Variants in SLC8A1 observed in about 807,000 individuals in gnomAD.
SLC8A1 encodes the protein solute carrier family 8 member A1.
A neutral mutation model predicts 68.3 loss-of-function variants in SLC8A1; 18 were observed. The ratio of observed to expected loss-of-function variants is 0.26; its 90% CI spans 0.18 to 0.39. SLC8A1 has a LOEUF of 0.39. SLC8A1 is among the 10% of genes least tolerant of loss of function. SLC8A1 has a pLI of 1.00. For missense variants in SLC8A1, 985 were observed against 1,156.7 expected (o/e 0.85, Z 2.15); for synonymous variants, 475 against 415.5 (o/e 1.14, Z -1.74).
intron 2 of SLC8A1, among the ~76,000 whole-genome samples, chr2:40,337,609 G>C (rs755047299): frequency 6.6e-6 from 1 of 152,080 alleles, no homozygotes; most frequent in Non-Finnish European, 1.5e-5. Context: ...TTTCTGTTTT[G>C]CTTTTCTCTG....
intron 2 of SLC8A1, among the ~76,000 whole-genome samples, chr2:40,360,859 G>C (rs1365950143): frequency 6.6e-6 from 1 of 152,134 alleles, no homozygotes; most frequent in Non-Finnish European, 1.5e-5. Flanking sequence ...GCCACACAGT[G>C]TTGTGGTTTA....
intron 2 of SLC8A1, among the ~76,000 whole-genome samples, chr2:40,286,384 C>A (rs2068316560): frequency 6.6e-6 from 1 of 152,222 alleles, no homozygotes; most frequent in Non-Finnish European, 1.5e-5. Flanking sequence ...GTTGCCATTG[C>A]CTTAAGACCA....
At chr2:40,245,354 A>G (rs912974603) in intron 2 of SLC8A1, among the ~76,000 whole-genome samples, 2 of 138,664 alleles carry the variant, frequency 1.4e-5, no homozygotes, top group African/African-American at 2.8e-5. Flanking sequence ...TGTCCGTTAA[A>G]TACATTCAAG....
chr2:40,212,725 C>CT (rs2056829956), intron 2 of SLC8A1, among the ~76,000 whole-genome samples: 1 of 152,214 alleles, frequency 6.6e-6, no homozygotes, highest in African/African-American at 2.4e-5. Context: ...CTTTTCTTTT[C>CT]TTTCTTCTTG....
At chr2:40,236,848 C>T (rs2060455096) in intron 2 of SLC8A1, among the ~76,000 whole-genome samples, 1 of 150,636 alleles carries the variant, frequency 6.6e-6, no homozygotes, top group Non-Finnish European at 1.5e-5. Flanking sequence ...TTTATTTCTC[C>T]TTCGCTTATG....
rs145445045 is a variant in SLC8A1 at position 40,508,101 on chromosome 2, C to T, written c.-25+4248G>A. On this transcript the variant is annotated intron_variant, in intron 1 of 7. Coordinates refer to the SLC8A1 transcript ENST00000402441. ...TTTCATATATAATTGCACTTTGTCT[C>T]TCAGAAGGCAAGCTGCTGGGCAGAT... is the stretch of plus-strand genomic sequence containing the variant. Among the ~76,000 whole-genome samples, 32 of 152,136 alleles carry T rather than the reference C, an allele frequency of 2.1e-4. 1 individual carries two copies. The East Asian group carries it at 6.0e-3, about 28-fold the overall frequency.
At chr2:40,364,878 TC>T (rs1206456482) in intron 2 of SLC8A1, among the ~76,000 whole-genome samples, 1 of 152,078 alleles carries the variant, frequency 6.6e-6, no homozygotes, top group Admixed American at 6.6e-5. Flanking sequence ...TAATTTTTTT[TC>T]TTGAGAAATG....
chr2:40,129,202 C>T (rs1572893430), intron 7 of SLC8A1, among the ~76,000 whole-genome samples: 1 of 151,804 alleles, frequency 6.6e-6, no homozygotes. Flanking sequence ...TAAAAACAAC[C>T]CACCAGAAAA....
chr2:40,341,861 T>G (rs370681292), intron 2 of SLC8A1, among the ~76,000 whole-genome samples: 2 of 152,202 alleles, frequency 1.3e-5, no homozygotes, highest in Non-Finnish European at 2.9e-5. Flanking sequence ...CATTAATTCT[T>G]GTACTTGAAG....
intron 2 of SLC8A1, among the ~76,000 whole-genome samples, chr2:40,306,451 G>T (rs2149286692): frequency 7.6e-6 from 1 of 132,250 alleles, no homozygotes; most frequent in African/African-American, 3.0e-5. Flanking sequence ...AGGAATGGTT[G>T]TGGGGGGGGG....
At chr2:40,352,525 G>T (rs539317049) in intron 2 of SLC8A1, among the ~76,000 whole-genome samples, 2 of 152,124 alleles carry the variant, frequency 1.3e-5, no homozygotes, top group African/African-American at 4.8e-5. Context: ...TTCCAAAACT[G>T]AGTGTGAAAT....
chr2:40,200,207 AATATATATATATTTTTTTAT>A (rs1558721605), intron 2 of SLC8A1, among the ~76,000 whole-genome samples: 68 of 9,288 alleles, frequency 7.3e-3, no homozygotes, highest in African/African-American at 0.013. Flanking sequence ...TATATATATA[AATATATATATATTTTTTTAT>A]ATATATATAT....
intron 2 of SLC8A1, among the ~76,000 whole-genome samples, 167 bp from the exon 3 acceptor site, chr2:40,178,660 G>C (rs553672157): frequency 1.3e-5 from 2 of 152,296 alleles, no homozygotes; most frequent in African/African-American, 4.8e-5. Flanking sequence ...AGATAGGTAT[G>C]AAAGATCAGA....
At chr2:40,191,211 C>T (rs1297024153) in intron 2 of SLC8A1, among the ~76,000 whole-genome samples, 1 of 152,170 alleles carries the variant, frequency 6.6e-6, no homozygotes. Flanking sequence ...CTGCTTTCTG[C>T]TGCTACTTTC....
At chr2:40,231,665 T>C (rs1438649501) in intron 2 of SLC8A1, among the ~76,000 whole-genome samples, 1 of 152,108 alleles carries the variant, frequency 6.6e-6, no homozygotes, top group African/African-American at 2.4e-5. Flanking sequence ...CTTTGGACAA[T>C]TATATTCTCT....
chr2:40,327,941 A>T (rs1303579386), intron 2 of SLC8A1, among the ~76,000 whole-genome samples: 2 of 144,282 alleles, frequency 1.4e-5, no homozygotes, highest in South Asian at 2.2e-4. Context: ...AAATAAATAC[A>T]TGCAGAAATA....
chr2:40,304,702 C>T (rs1046925081), intron 2 of SLC8A1, among the ~76,000 whole-genome samples: 5 of 152,150 alleles, frequency 3.3e-5, no homozygotes, highest in Non-Finnish European at 7.4e-5. Context: ...GCCGTGTCTG[C>T]TCACTGATCA....
intron 2 of SLC8A1, among the ~76,000 whole-genome samples, chr2:40,242,913 A>T (rs760012383): frequency 2.6e-5 from 4 of 152,162 alleles, no homozygotes; most frequent in Admixed American, 1.3e-4. Context: ...ATAAAAGCAA[A>T]GTTAATGAGG....
chr2:40,238,207 G>C (rs372747948), intron 2 of SLC8A1, among the ~76,000 whole-genome samples: 2 of 151,822 alleles, frequency 1.3e-5, no homozygotes, highest in East Asian at 3.9e-4. Context: ...CCCCAGCCTC[G>C]CTGCCGCCTT....
Sources: allele counts gnomAD v4.1 joint callset (sites outside exome capture counted in the v4.1 genomes callset), GRCh38; gene constraint gnomAD v4.1.1; transcripts MANE v1.5; gene names NCBI Gene and HGNC (gene_info 2026-07-23, HGNC 2026-07-21).